The following CYRIB variants were observed in gnomAD, a reference collection of about 807,000 sequenced individuals.
The protein encoded by CYRIB is CYFIP related Rac1 interactor B, also known as CYFIP-related Rac1 interactor B.
In CYRIB, 8 loss-of-function variants were observed where a neutral mutation model predicts 44.2. The ratio of observed to expected loss-of-function variants is 0.18; its 90% CI spans 0.11 to 0.33. The LOEUF is 0.33. Ranked by LOEUF, CYRIB falls within the 10% of genes least tolerant of loss-of-function variation. The probability of loss-of-function intolerance (pLI) is 1.00; values close to 1 mark genes in which losing one functional copy is unlikely to be tolerated. For missense variants in CYRIB, 185 were observed against 382.8 expected (o/e 0.48, Z 4.31); for synonymous variants, 131 against 127.2 (o/e 1.03, Z -0.20).
At chr8:129,986,207 T>G (rs1045421947) in intron 1 of CYRIB, among the ~76,000 whole-genome samples, 10 of 152,174 alleles carry the variant, frequency 6.6e-5, no homozygotes, top group African/African-American at 2.4e-4. Context: ...GGACAAGGTT[T>G]CAATAAATGA....
chr8:129,995,677 T>A (rs553679122), intron 1 of CYRIB, among the ~76,000 whole-genome samples: 1 of 152,340 alleles, frequency 6.6e-6, no homozygotes, highest in Middle Eastern at 3.4e-3. Context: ...GATGTGAATT[T>A]GCATTCCAGA....
At chr8:129,898,901 C>T (rs1399310601) in intron 2 of CYRIB, among the ~76,000 whole-genome samples, 1 of 151,446 alleles carries the variant, frequency 6.6e-6, no homozygotes, top group East Asian at 1.9e-4. Context: ...CTCACTCTGT[C>T]GCCCAGGCTG....
intron 1 of CYRIB, among the ~76,000 whole-genome samples, chr8:129,934,959 G>C (rs2092524166): frequency 6.6e-6 from 1 of 152,210 alleles, no homozygotes; most frequent in Non-Finnish European, 1.5e-5. Flanking sequence ...TAGCTTAGAA[G>C]GCATATAAGC....
At chr8:129,914,265 A>T (rs2079580985) in intron 1 of CYRIB, among the ~76,000 whole-genome samples, 1 of 152,254 alleles carries the variant, frequency 6.6e-6, no homozygotes. Flanking sequence ...ATGGAGTTAC[A>T]AAAGAAAGAG....
intron 1 of CYRIB, among the ~76,000 whole-genome samples, chr8:129,992,625 A>G (rs746793874): frequency 6.6e-6 from 1 of 152,228 alleles, no homozygotes; most frequent in Non-Finnish European, 1.5e-5. Flanking sequence ...GTCTTTCCAG[A>G]GAAGCATTTA....
At position 129,948,303 on chromosome 8, in the gene CYRIB, C is replaced by G. The variant is rs141706414; in HGVS notation, c.-243+22640G>C. ...TTCACTTCTTCCCAAGCCCTACCCT[C>G]GAGGAGAGGTTTTTCCCAAGGGATA... On this transcript the variant is annotated intron_variant, in intron 2 of 14. Coordinates refer to the CYRIB transcript ENST00000401979. Among the ~76,000 whole-genome samples the G allele has an allele frequency of 3.7e-3, 559 of 152,262 alleles. 6 individuals are homozygous for G. The highest frequency in any genetic ancestry group is 5.6e-3 in the Non-Finnish European group (379 of 68,022).
intron 1 of CYRIB, among the ~76,000 whole-genome samples, chr8:129,983,050 T>A (rs1212290639): frequency 6.7e-6 from 1 of 149,588 alleles, no homozygotes; most frequent in African/African-American, 2.5e-5. Context: ...GGCTCATGCC[T>A]GTAATCCCAG....
intron 5 of CYRIB, among the ~76,000 whole-genome samples, chr8:129,860,762 A>C (rs563724843): frequency 6.6e-6 from 1 of 152,180 alleles, no homozygotes; most frequent in South Asian, 2.1e-4. Flanking sequence ...AACTTATTAC[A>C]AACTAGAAAG....
intron 4 of CYRIB, chr8:129,864,506 C>A: frequency 6.0e-6 from 1 of 166,586 alleles, no homozygotes; most frequent in Admixed American, 5.9e-5. Flanking sequence ...ATCCAGGAGG[C>A]ATGGAGGAAG....
At chr8:130,010,130 T>C (rs1564826685) in intron 1 of CYRIB, among the ~76,000 whole-genome samples, 1 of 152,246 alleles carries the variant, frequency 6.6e-6, no homozygotes, top group Non-Finnish European at 1.5e-5. Flanking sequence ...GAAAGAGGAT[T>C]AGTCTCTGGC....
At chr8:129,931,468 AT>A (rs2091326340) in intron 1 of CYRIB, among the ~76,000 whole-genome samples, 1 of 152,238 alleles carries the variant, frequency 6.6e-6, no homozygotes, top group Non-Finnish European at 1.5e-5. Context: ...CATGTCAGTC[AT>A]TACTTTTTGA....
At chr8:129,882,082 G>A (rs993094815) in intron 2 of CYRIB, among the ~76,000 whole-genome samples, 8 of 152,118 alleles carry the variant, frequency 5.3e-5, no homozygotes, top group African/African-American at 1.9e-4. Flanking sequence ...AACAAGAACT[G>A]AGACCAAATA....
At chr8:129,912,196 A>G (rs1379447645) in intron 1 of CYRIB, among the ~76,000 whole-genome samples, 2 of 152,202 alleles carry the variant, frequency 1.3e-5, no homozygotes, top group African/African-American at 4.8e-5. Flanking sequence ...AAAGCTTTAC[A>G]GTTTATATAT....
intron 1 of CYRIB, among the ~76,000 whole-genome samples, chr8:129,924,011 C>T (rs75756137): frequency 1.3e-4 from 20 of 149,610 alleles, no homozygotes; most frequent in African/African-American, 4.7e-4. Flanking sequence ...TAGCTCATGC[C>T]TGTATCCCCA....
chr8:130,014,105 C>A (rs946686848), intron 1 of CYRIB, among the ~76,000 whole-genome samples: 1 of 152,154 alleles, frequency 6.6e-6, no homozygotes, highest in Non-Finnish European at 1.5e-5. Context: ...CCCTAGCTCT[C>A]CTTTACAGGT....
chr8:129,947,862 C>T (rs146442441), intron 2 of CYRIB: 1 of 152,166 alleles, frequency 6.6e-6, no homozygotes, highest in Admixed American at 6.6e-5. Flanking sequence ...TCAGCCACAT[C>T]GCTGTTAAAG....
At chr8:129,922,829 C>T (rs1371435305) in intron 1 of CYRIB, among the ~76,000 whole-genome samples, 6 of 151,088 alleles carry the variant, frequency 4.0e-5, no homozygotes, top group African/African-American at 1.5e-4. Flanking sequence ...CACCACTGCA[C>T]TCCAGCCTGG....
chr8:129,907,853 T>C (rs1589380086), intron 1 of CYRIB, among the ~76,000 whole-genome samples: 2 of 152,044 alleles, frequency 1.3e-5, no homozygotes, highest in African/African-American at 4.8e-5. Context: ...AATACAAAAA[T>C]CAACCAGGCA....
rs568098246 is a variant in CYRIB, at chr8:129,926,585, G to A, written c.-50+13023C>T. Among the ~76,000 whole-genome samples, 24 of 127,742 alleles carry A rather than the reference G, an allele frequency of 1.9e-4. No homozygotes were observed. In the South Asian group the frequency reaches 4.9e-3, roughly 26 times the overall value. 83.8% of individuals were successfully genotyped at this position (127,742 alleles called of 152,430 possible). On this transcript the variant is annotated intron_variant, in intron 1 of 11. Transcript: ENST00000519824. ...TACAAGAAAAATGCAGGTGTCAGAG[G>A]AGTTCCTAATAATGGGATGTGATCT...
Sources: allele counts gnomAD v4.1 joint callset (sites outside exome capture counted in the v4.1 genomes callset), GRCh38; gene constraint gnomAD v4.1.1; transcripts MANE v1.5; gene names NCBI Gene and HGNC (gene_info 2026-07-23, HGNC 2026-07-21).